ATG10: variants seen among roughly 807,000 people sequenced by gnomAD.
ATG10 encodes ubiquitin-like-conjugating enzyme ATG10.
In ATG10, 30 loss-of-function variants were observed where a neutral mutation model predicts 32.1. The observed-to-expected ratio is 0.94, with a 90% CI of 0.70 to 1.27. ATG10 has a LOEUF of 1.27. ATG10 is among the 50% of genes most tolerant of loss of function. The probability of loss-of-function intolerance (pLI) is 0.00; values close to 1 mark genes in which losing one functional copy is unlikely to be tolerated. For missense variants in ATG10, 233 were observed against 262.3 expected, an observed-to-expected ratio of 0.89 and a Z score of 0.77; for synonymous variants, 87 against 91.5, an observed-to-expected ratio of 0.95 and a Z score of 0.28.
At chr5:81,994,298 A>G (rs1170762045) in intron 2 of ATG10, among the ~76,000 whole-genome samples, 3 of 152,012 alleles carry the variant, frequency 2.0e-5, no homozygotes, top group Admixed American at 6.6e-5. Flanking sequence ...TTCATTGTCT[A>G]CTCTAATTCA....
chr5:82,250,570 G>A (rs1004531350), intron 5 of ATG10, among the ~76,000 whole-genome samples: 1 of 152,098 alleles, frequency 6.6e-6, no homozygotes, highest in African/African-American at 2.4e-5. Flanking sequence ...TCAGTCCATT[G>A]TATTACCTCT....
At chr5:82,016,360 T>G (rs925361545) in intron 2 of ATG10, among the ~76,000 whole-genome samples, 6 of 152,216 alleles carry the variant, frequency 3.9e-5, no homozygotes, top group African/African-American at 1.4e-4. Context: ...CACTTTATTT[T>G]GTTTGCTTTG....
At chr5:82,138,753 A>G (rs964492021) in intron 3 of ATG10, among the ~76,000 whole-genome samples, 21 of 151,972 alleles carry the variant, frequency 1.4e-4, no homozygotes, top group African/African-American at 5.1e-4. Flanking sequence ...AAGTAGTATC[A>G]ATAACATTAT....
At chr5:82,079,305 C>A (rs747472830) in intron 3 of ATG10, among the ~76,000 whole-genome samples, 2 of 151,738 alleles carry the variant, frequency 1.3e-5, no homozygotes, top group African/African-American at 4.8e-5. Flanking sequence ...GCAAGGGGAA[C>A]AAGTCACATC....
intron 3 of ATG10, among the ~76,000 whole-genome samples, chr5:82,088,453 T>C (rs1437100809): frequency 6.6e-6 from 1 of 152,082 alleles, no homozygotes; most frequent in East Asian, 1.9e-4. Context: ...GTATAAATAG[T>C]AATAAATAAT....
intron 2 of ATG10, among the ~76,000 whole-genome samples, chr5:82,056,500 A>G (rs1410008277): frequency 7.3e-6 from 1 of 136,596 alleles, no homozygotes; most frequent in Non-Finnish European, 1.5e-5. Context: ...CACCTTTCCC[A>G]ACCCCCCAAA....
At chr5:82,080,826 G>T (rs1207103897) in intron 3 of ATG10, among the ~76,000 whole-genome samples, 1 of 152,200 alleles carries the variant, frequency 6.6e-6, no homozygotes, top group East Asian at 1.9e-4. Context: ...TTTTGGCTTA[G>T]GATTGTCTTG....
chr5:81,995,337 G>T (rs1761629433), intron 2 of ATG10, among the ~76,000 whole-genome samples: 2 of 151,992 alleles, frequency 1.3e-5, no homozygotes, highest in Non-Finnish European at 2.9e-5. Flanking sequence ...GAGAGGGGGT[G>T]TCGCCATGTT....
intron 5 of ATG10, among the ~76,000 whole-genome samples, chr5:82,207,799 C>T (rs899697201): frequency 2.6e-5 from 4 of 152,202 alleles, no homozygotes; most frequent in African/African-American, 9.7e-5. Context: ...GCAGTGGTCA[C>T]TAGTCACATG....
At chr5:82,055,513 T>A (rs1012246637) in intron 2 of ATG10, among the ~76,000 whole-genome samples, 1 of 152,300 alleles carries the variant, frequency 6.6e-6, no homozygotes, top group African/African-American at 2.4e-5. Flanking sequence ...AGAATTTTAC[T>A]AAATTTTATG....
intron 2 of ATG10, among the ~76,000 whole-genome samples, chr5:82,048,261 A>G (rs1763289123): frequency 7.1e-6 from 1 of 141,160 alleles, no homozygotes; most frequent in Non-Finnish European, 1.5e-5. Context: ...GAAGAAAGTC[A>G]TTGGTAGCTT....
At chr5:82,010,553 T>C (rs1762101782) in intron 2 of ATG10, among the ~76,000 whole-genome samples, 1 of 152,202 alleles carries the variant, frequency 6.6e-6, no homozygotes, top group Admixed American at 6.5e-5. Context: ...CATGATAGGA[T>C]AAAATAGCGA....
In ATG10 at chr5:82,003,721, C is replaced by T. The variant is rs1561249645; in HGVS notation, c.108+16043C>T. 2.6e-5 allele frequency among the ~76,000 whole-genome samples: 4 copies of T among 152,332 alleles called. No homozygotes were observed. The South Asian group carries it at 8.3e-4, about 32-fold the overall frequency. ...TAGGACATCAACTCCTTGGTATGAA[C>T]ATTGGTAATCAAATGGAAAGAAATA... On this transcript the variant is annotated intron_variant, in intron 2 of 7. Coordinates refer to ENST00000282185, the MANE Select transcript of ATG10 (RefSeq NM_031482.5).
In ATG10 at chr5:82,254,420, A is replaced by G. The variant is rs893236436; in HGVS notation, c.*357A>G. 2 of 152,104 alleles carry G rather than the reference A, an allele frequency of 1.3e-5. No individual in the cohort carries two copies. The highest frequency in any genetic ancestry group is 4.8e-5 in the African/African-American group (2 of 41,370). The allele number at this position is 152,104 out of a possible 1,614,324, so 9.4% of individuals were successfully genotyped here. A position where few individuals can be genotyped will look rare whatever the true frequency, so the allele number is the denominator to read the frequency against. The stretch of plus-strand genomic sequence containing the variant: ...AAAAAATACAAAAATTTGCCTGTTT[A>G]TGGTGGTGTGTTCCTGTAGTCCCAG... On this transcript the variant is annotated 3_prime_UTR_variant, in exon 8 of 8. Coordinates refer to ENST00000282185, the MANE Select transcript of ATG10 (RefSeq NM_031482.5).
chr5:82,214,709 C>G (rs1405283572), intron 5 of ATG10, among the ~76,000 whole-genome samples: 2 of 152,172 alleles, frequency 1.3e-5, no homozygotes, highest in Admixed American at 6.5e-5. Context: ...CACCAGAGGC[C>G]TTCTGCAAGA....
rs1246162725 is a variant in ATG10 at position 82,254,468 on chromosome 5, A to T, written c.*405A>T. 2.8e-5 allele frequency: 4 copies of T among 144,058 alleles called. No individual in the cohort carries two copies. 8.9% of individuals were successfully genotyped at this position (144,058 alleles called of 1,614,324 possible). A position where few individuals can be genotyped will look rare whatever the true frequency, so the allele number is the denominator to read the frequency against. On this transcript the variant is annotated 3_prime_UTR_variant, in exon 8 of 8. Coordinates refer to ENST00000282185, the MANE Select transcript of ATG10 (RefSeq NM_031482.5). The stretch of plus-strand genomic sequence containing the variant: ...CAGCTCCCCAGGAGGCTGAGGTGGG[A>T]GGTTGGCTTTAACCCAGGAGGCAGA...
chr5:82,099,908 G>A (rs1181748815), intron 3 of ATG10, among the ~76,000 whole-genome samples: 1 of 149,500 alleles, frequency 6.7e-6, no homozygotes, highest in African/African-American at 2.5e-5. Flanking sequence ...TCAATCACTA[G>A]TCAAGTTCCC....
intron 2 of ATG10, chr5:82,009,644 GC>G: frequency 1.3e-6 from 2 of 1,592,756 alleles, no homozygotes; most frequent in South Asian, 2.2e-5. Context: ...TGCTGGTCTT[GC>G]CATTCCTGGA....
chr5:82,135,201 G>A (rs1251771932), intron 3 of ATG10, among the ~76,000 whole-genome samples: 2 of 152,002 alleles, frequency 1.3e-5, no homozygotes, highest in South Asian at 2.1e-4. Context: ...ATTTTTTGAA[G>A]GGTTTTTCAT....
Sources: allele counts gnomAD v4.1 joint callset (sites outside exome capture counted in the v4.1 genomes callset), GRCh38; gene constraint gnomAD v4.1.1; transcripts MANE v1.5; gene names NCBI Gene and HGNC (gene_info 2026-07-23, HGNC 2026-07-21).